ABAT: variants seen among roughly 807,000 people sequenced by gnomAD.
ABAT encodes the protein 4-aminobutyrate aminotransferase.
A neutral mutation model predicts 64.6 loss-of-function variants in ABAT; 45 were observed. The observed-to-expected ratio is 0.70, with a 90% CI of 0.55 to 0.89. The LOEUF (loss-of-function observed/expected upper bound fraction) is 0.89, where lower values mean the gene tolerates loss of function less well. Among genes scored for constraint, ABAT ranks in the 40% least tolerant of loss-of-function variants. The pLI, the probability that ABAT is intolerant of heterozygous loss-of-function variation, is 0.00. For missense variants in ABAT, 633 were observed against 658.4 expected, an observed-to-expected ratio of 0.96 and a Z score of 0.42; for synonymous variants, 297 against 250.5, an observed-to-expected ratio of 1.19 and a Z score of -1.75.
Position 8,781,624 on chromosome 16 carries a change from T to G in ABAT, c.*194T>G. ...AAGGGCTGGTGTTGATTTTCCTCCCTGCAGAGCCAATGGTGCACATTGGTT... is the reference window on the plus strand; with the variant it reads ...AAGGGCTGGTGTTGATTTTCCTCCCGGCAGAGCCAATGGTGCACATTGGTT... On this transcript the variant is annotated 3_prime_UTR_variant, in exon 16 of 16. Transcript: ENST00000268251. This position sits in a 1 kb window ranked among gnomAD's most constrained non-coding sequence, Gnocchi z 4.5. 2 of 715,042 alleles carry G rather than the reference T, an allele frequency of 2.8e-6. No homozygotes were observed. The highest frequency in any genetic ancestry group is 2.4e-6 in the Non-Finnish European group (1 of 424,310). 44.3% of individuals were successfully genotyped at this position (715,042 alleles called of 1,614,324 possible).
intron 2 of ABAT, chr16:8,737,007 A>T (rs2142416717): frequency 6.6e-6 from 1 of 152,538 alleles, no homozygotes; most frequent in Middle Eastern, 3.4e-3. Flanking sequence ...CAGCTCTCTC[A>T]CAGCCCCTGT....
chr16:8,714,236 T>G (rs1202108401), intron 1 of ABAT, among the ~76,000 whole-genome samples: 1 of 152,108 alleles, frequency 6.6e-6, no homozygotes, highest in Admixed American at 6.6e-5. Flanking sequence ...GGAAATGAAG[T>G]GAGGGTCACC....
At chr16:8,736,380 G>A (rs2058936334) in intron 2 of ABAT, 1 of 163,550 alleles carries the variant, frequency 6.1e-6, no homozygotes. Flanking sequence ...CCTGTCCCAA[G>A]TGCCTCGGTC....
At chr16:8,722,680 C>A in intron 1 of ABAT, 1 of 556,222 alleles carries the variant, frequency 1.8e-6, no homozygotes, top group Non-Finnish European at 2.8e-6. Flanking sequence ...ATTTCTCCAA[C>A]CTCCTTGGTC....
At chr16:8,720,141 G>A (rs550379881) in intron 1 of ABAT, among the ~76,000 whole-genome samples, 1 of 152,318 alleles carries the variant, frequency 6.6e-6, no homozygotes, top group East Asian at 1.9e-4. Context: ...GAGCTCTTTG[G>A]AAACAGAAAA....
At chr16:8,717,371 A>G (rs1160735632) in intron 1 of ABAT, among the ~76,000 whole-genome samples, 1 of 152,234 alleles carries the variant, frequency 6.6e-6, no homozygotes, top group Non-Finnish European at 1.5e-5. Context: ...AGATACATGA[A>G]AAAAATTGGT....
intron 14 of ABAT, 102 bp from the exon 15 acceptor site, chr16:8,779,377 C>T (rs1054239510): frequency 1.0e-5 from 10 of 980,500 alleles, no homozygotes; most frequent in Non-Finnish European, 1.3e-5. Context: ...ATGCAGAGGC[C>T]GAGGCTGGAC....
At chr16:8,739,416 T>G (rs1010077245) in intron 2 of ABAT, among the ~76,000 whole-genome samples, 1 of 152,172 alleles carries the variant, frequency 6.6e-6, no homozygotes, top group Non-Finnish European at 1.5e-5. Flanking sequence ...TTTCTTGCAT[T>G]AGAAGAAATG....
intron 1 of ABAT, among the ~76,000 whole-genome samples, chr16:8,675,788 G>A (rs1350059502): frequency 2.0e-5 from 3 of 152,168 alleles, no homozygotes; most frequent in South Asian, 2.1e-4. Flanking sequence ...CCCAACACAC[G>A]CACAAAGGCT....
chr16:8,767,900 T>A (rs768767395), intron 9 of ABAT, among the ~76,000 whole-genome samples: 27 of 151,808 alleles, frequency 1.8e-4, no homozygotes, highest in Middle Eastern at 6.8e-3. Context: ...GATCCCAAAC[T>A]CCTGACCTCC....
At chr16:8,752,124 C>G (rs776952929) in intron 5 of ABAT, among the ~76,000 whole-genome samples, 93 of 152,224 alleles carry the variant, frequency 6.1e-4, no homozygotes, top group Admixed American at 8.5e-4. Context: ...GGCTGTCCCC[C>G]CTCCTCTTCT....
chr16:8,780,120 C>T (rs780294186), intron 15 of ABAT, among the ~76,000 whole-genome samples: 1 of 151,648 alleles, frequency 6.6e-6, no homozygotes. Context: ...AGGGTGCATG[C>T]GATGGCCTGA....
rs397934923 is a variant in ABAT at position 8,737,989 on chromosome 16, G to GAAAA, written c.70+2181_70+2182insAAAA. Reference sequence around the variant, plus strand: ...GGAAGGAAGGAAGGAAGGAAGGAAGGAGGAAAGAAAGAAAGAAAGAAAGAA... The same window carrying GAAAA: ...GGAAGGAAGGAAGGAAGGAAGGAAGGAAAAAGGAAAGAAAGAAAGAAAGAAAGAA... On this transcript the variant is annotated intron_variant, in intron 2 of 15. Transcript: ENST00000268251. 1.8e-4 allele frequency among the ~76,000 whole-genome samples: 3 copies of GAAAA among 16,970 alleles called. 1 individual carries two copies. The highest frequency in any genetic ancestry group is 1.8e-3 in the Admixed American group (2 of 1,116). The allele number at this position is 16,970 out of a possible 152,430, so 11.1% of individuals were successfully genotyped here.
rs1324394269 is a variant in ABAT, at chr16:8,690,241, C to A, written c.-42+15530C>A. Among the ~76,000 whole-genome samples the A allele has an allele frequency of 4.6e-5, 7 of 152,306 alleles. No individual in the cohort carries two copies. The South Asian group carries it at 1.5e-3, about 32-fold the overall frequency. On this transcript the variant is annotated intron_variant, in intron 1 of 15. Coordinates refer to ENST00000268251, the MANE Select transcript of ABAT (RefSeq NM_020686.6). Reference sequence around the variant, plus strand: ...AGGTCTGGAACTCTTTTCTCCCCAGCCTGGCGAGTGTCTTGCTTGCTGGAG... The same window carrying A: ...AGGTCTGGAACTCTTTTCTCCCCAGACTGGCGAGTGTCTTGCTTGCTGGAG...
intron 12 of ABAT, among the ~76,000 whole-genome samples, chr16:8,774,523 T>C (rs4985035): frequency 0.87 from 132,901 of 151,950 alleles, 59,282 homozygotes; most frequent in East Asian, 0.98. Flanking sequence ...CAGCTGAAGT[T>C]TGAGAAGCAC....
rs1282229987 is a variant in ABAT at position 8,735,822 on chromosome 16, G to T, written c.70+13G>T. 2 of 1,593,448 alleles carry T rather than the reference G, an allele frequency of 1.3e-6. No individual in the cohort carries two copies. Among genetic ancestry groups the T allele is most frequent in the African/African-American group, 2.7e-5 (2 of 74,738 alleles). Reference sequence around the variant, plus strand: ...CTGCTGGTGCCTGGTAAGCCCCGGGGGTCTTGATAAGAACTGGTACTAATG... The same window carrying T: ...CTGCTGGTGCCTGGTAAGCCCCGGGTGTCTTGATAAGAACTGGTACTAATG... On this transcript the variant is annotated intron_variant, in intron 2 of 15. Transcript: ENST00000268251.
intron 1 of ABAT, among the ~76,000 whole-genome samples, chr16:8,695,064 G>C (rs1596402646): frequency 6.6e-6 from 1 of 152,340 alleles, no homozygotes; most frequent in South Asian, 2.1e-4. Flanking sequence ...TTAGTACCTG[G>C]GGACAAGGGC....
At chr16:8,752,454 T>C (rs748135217) in intron 5 of ABAT, among the ~76,000 whole-genome samples, 1 of 152,150 alleles carries the variant, frequency 6.6e-6, no homozygotes, top group African/African-American at 2.4e-5. Context: ...ATTAGCAGCA[T>C]TTGTTTAAAA....
chr16:8,758,326 A>G (rs1276220455), intron 6 of ABAT, among the ~76,000 whole-genome samples: 1 of 152,192 alleles, frequency 6.6e-6, no homozygotes, highest in East Asian at 1.9e-4. Flanking sequence ...GGTGGGTGTC[A>G]GGGAGGCTTC....
Sources: gnomAD v4.1 joint callset for allele counts (sites outside exome capture counted in the v4.1 genomes callset) on GRCh38, gnomAD v4.1.1 for gene constraint, Gnocchi (gnomAD v3.1) non-coding constraint, MANE v1.5 for transcripts, NCBI Gene and HGNC (gene_info 2026-07-23, HGNC 2026-07-21) for gene names.